The following SEMA3A variants were observed in gnomAD, a reference collection of about 807,000 sequenced individuals.
SEMA3A encodes the protein semaphorin-3A.
Under a neutral mutation model 97.9 loss-of-function variants are expected in SEMA3A, and 29 were observed. The ratio of observed to expected loss-of-function variants is 0.30; its 90% CI spans 0.22 to 0.40. The LOEUF (loss-of-function observed/expected upper bound fraction) is 0.40, where lower values mean the gene tolerates loss of function less well. SEMA3A is among the 10% of genes least tolerant of loss of function. SEMA3A has a pLI of 1.00. For synonymous variants in SEMA3A, 321 were observed against 323.7 expected, an observed-to-expected ratio of 0.99 and a Z score of 0.09; for missense variants, 763 against 951.3, an observed-to-expected ratio of 0.80 and a Z score of 2.60.
At chr7:84,289,914 T>C (rs1800698869) in intron 3 of SEMA3A, among the ~76,000 whole-genome samples, 1 of 152,156 alleles carries the variant, frequency 6.6e-6, no homozygotes, top group Admixed American at 6.6e-5. Context: ...GCATATCCAT[T>C]CAATGGGATA....
chr7:84,434,720 G>A (rs936701854), intron 1 of SEMA3A, among the ~76,000 whole-genome samples: 1 of 152,048 alleles, frequency 6.6e-6, no homozygotes, highest in African/African-American at 2.4e-5. Context: ...TCAAATAAAT[G>A]AATGCAATTC....
At chr7:84,472,918 A>G (rs139152529) in intron 1 of SEMA3A, among the ~76,000 whole-genome samples, 81 of 152,288 alleles carry the variant, frequency 5.3e-4, no homozygotes, top group African/African-American at 1.9e-3. Context: ...TAATACTGCT[A>G]TTAGTTTAGA....
chr7:84,166,271 C>T (rs1277204241), intron 1 of SEMA3A, among the ~76,000 whole-genome samples: 1 of 145,236 alleles, frequency 6.9e-6, no homozygotes, highest in African/African-American at 2.6e-5. Context: ...GAGTGGGACC[C>T]TGTGGAAAAA....
At chr7:84,162,577 T>G (rs1030684187) in intron 1 of SEMA3A, among the ~76,000 whole-genome samples, 3 of 151,816 alleles carry the variant, frequency 2.0e-5, no homozygotes, top group African/African-American at 7.3e-5. Flanking sequence ...TTGGCTCATA[T>G]CCTCAATTTT....
chr7:84,442,423 A>T (rs1327358159), intron 1 of SEMA3A, among the ~76,000 whole-genome samples: 1 of 152,128 alleles, frequency 6.6e-6, no homozygotes, highest in African/African-American at 2.4e-5. Flanking sequence ...ATTTTATAAG[A>T]TTAAAGATGA....
intron 3 of SEMA3A, among the ~76,000 whole-genome samples, chr7:84,271,068 A>G (rs372197171): frequency 6.6e-6 from 1 of 152,144 alleles, no homozygotes; most frequent in Non-Finnish European, 1.5e-5. Flanking sequence ...AAATTTTGTA[A>G]GAAATATATA....
In SEMA3A at chr7:84,066,247, A is replaced by G. The variant is rs539285581; in HGVS notation, c.454-5689T>C. Reference sequence around the variant, plus strand: ...ACTTCATGCTAAAAACTCTCAATAAATTAGGTATTGATGGGACGTATTTCA... The same window carrying G: ...ACTTCATGCTAAAAACTCTCAATAAGTTAGGTATTGATGGGACGTATTTCA... On this transcript the variant is annotated intron_variant, in intron 4 of 16. Transcript: ENST00000265362. Among the ~76,000 whole-genome samples the G allele has an allele frequency of 8.5e-5, 13 of 152,204 alleles. No homozygotes were observed. In the South Asian group the frequency reaches 2.5e-3, roughly 29 times the overall value.
chr7:84,112,825 C>CA (rs1423014772), intron 3 of SEMA3A, among the ~76,000 whole-genome samples: 1 of 152,210 alleles, frequency 6.6e-6, no homozygotes, highest in Non-Finnish European at 1.5e-5. Context: ...TATAATATGA[C>CA]AACAATTCCC....
At chr7:84,424,518 A>ATC (rs1804699042) in intron 1 of SEMA3A, among the ~76,000 whole-genome samples, 2 of 76,126 alleles carry the variant, frequency 2.6e-5, no homozygotes, top group East Asian at 8.5e-4. Context: ...AAATATTAAT[A>ATC]TATGTTATAT....
intron 1 of SEMA3A, among the ~76,000 whole-genome samples, chr7:84,392,239 T>C (rs1386284535): frequency 1.3e-5 from 2 of 152,162 alleles, no homozygotes; most frequent in African/African-American, 4.8e-5. Flanking sequence ...GATTATCATC[T>C]CCCTATTATT....
In SEMA3A at chr7:84,334,380, C is replaced by A. The variant is rs982531064; in HGVS notation, c.-168-27088G>T. ...TGAATTTCAATCTAATTTCATGTAA[C>A]CTGAGATGAGATTTTATGGATTAGA... On this transcript the variant is annotated intron_variant, in intron 2 of 3. Transcript: ENST00000424555. Among the ~76,000 whole-genome samples, 22 of 152,026 alleles carry A rather than the reference C, an allele frequency of 1.4e-4. 1 individual carries two copies. The highest frequency in any genetic ancestry group is 3.4e-3 in the Middle Eastern group (1 of 290).
rs118182350 is a variant in SEMA3A at position 84,402,811 on chromosome 7, G to T, written c.-245-30911C>A. On this transcript the variant is annotated intron_variant, in intron 1 of 3. Coordinates refer to the SEMA3A transcript ENST00000424555. The stretch of plus-strand genomic sequence containing the variant: ...CATTATGTTAAGTGAAATAGACAAG[G>T]TATAGAAAGACAAATATCACACGTT... Among the ~76,000 whole-genome samples the T allele has an allele frequency of 7.9e-3, 1,203 of 152,230 alleles. 6 individuals carry two copies. The highest frequency in any genetic ancestry group is 0.026 in the South Asian group (127 of 4,814).
intron 14 of SEMA3A, 44 bp from the exon 15 acceptor site, chr7:83,977,240 T>TC: frequency 1.7e-6 from 2 of 1,168,142 alleles, no homozygotes; most frequent in Admixed American, 2.1e-5. Context: ...TCCTTATTTT[T>TC]CCCTTCTAGG....
chr7:84,050,814 G>C (rs1224016245), intron 5 of SEMA3A, among the ~76,000 whole-genome samples: 1 of 152,050 alleles, frequency 6.6e-6, no homozygotes, highest in Non-Finnish European at 1.5e-5. Context: ...TAATGCCTAG[G>C]TTTTCTTCTA....
At chr7:84,155,582 T>C (rs1158700133) in intron 1 of SEMA3A, among the ~76,000 whole-genome samples, 1 of 152,164 alleles carries the variant, frequency 6.6e-6, no homozygotes, top group Non-Finnish European at 1.5e-5. Context: ...AATGCAGTGT[T>C]CTTGGCTTGC....
At position 84,005,571 on chromosome 7, in the gene SEMA3A, A is replaced by G. The variant is rs754900574; in HGVS notation, c.1141-13T>C. 3 of 1,519,966 alleles carry G rather than the reference A, an allele frequency of 2.0e-6. No individual in the cohort carries two copies. In the African/African-American group the frequency reaches 4.1e-5, roughly 21 times the overall value. 94.2% of individuals were successfully genotyped at this position (1,519,966 alleles called of 1,614,324 possible). On this transcript the variant is annotated splice_polypyrimidine_tract_variant and intron_variant, in intron 10 of 16. Coordinates refer to ENST00000265362, the MANE Select transcript of SEMA3A (RefSeq NM_006080.3). ...TTTTGCTGGGACACTATTAAGATAAAGAGAAAATTATCTTTTGATTAAAAT... is the reference window on the plus strand; with the variant it reads ...TTTTGCTGGGACACTATTAAGATAAGGAGAAAATTATCTTTTGATTAAAAT...
intron 1 of SEMA3A, among the ~76,000 whole-genome samples, chr7:84,462,731 A>G (rs2116391130): frequency 6.6e-6 from 1 of 152,274 alleles, no homozygotes; most frequent in East Asian, 1.9e-4. Context: ...ATGTAACCAA[A>G]CTGGACCCAC....
chr7:84,336,723 T>G (rs966135821), intron 2 of SEMA3A, among the ~76,000 whole-genome samples: 1 of 152,060 alleles, frequency 6.6e-6, no homozygotes, highest in Non-Finnish European at 1.5e-5. Flanking sequence ...GAAAGAAACA[T>G]CCTCAAGTAG....
intron 3 of SEMA3A, among the ~76,000 whole-genome samples, chr7:84,245,992 G>A (rs1799467824): frequency 6.6e-6 from 1 of 152,196 alleles, no homozygotes; most frequent in African/African-American, 2.4e-5. Context: ...CCAGGGAGAT[G>A]GGAGTTTTAT....
Sources: gnomAD v4.1 joint callset for allele counts (sites outside exome capture counted in the v4.1 genomes callset) on GRCh38, gnomAD v4.1.1 for gene constraint, MANE v1.5 for transcripts, NCBI Gene and HGNC (gene_info 2026-07-23, HGNC 2026-07-21) for gene names.